GSE1: variants seen among roughly 807,000 people sequenced by gnomAD.
GSE1 encodes the protein Gse1 coiled-coil protein.
Under a neutral mutation model 112.6 loss-of-function variants are expected in GSE1, and 32 were observed. The observed-to-expected ratio is 0.28, with a 90% CI of 0.21 to 0.38. The LOEUF is 0.38. Among genes scored for constraint, GSE1 ranks in the 10% least tolerant of loss-of-function variants. GSE1 has a pLI of 1.00. For missense variants in GSE1, 2,348 were observed against 1,699.2 expected (o/e 1.38, Z -6.71); for synonymous variants, 1,115 against 735.6 (o/e 1.52, Z -8.35).
At chr16:85,216,190 C>T (rs1406650009) in intron 1 of GSE1, among the ~76,000 whole-genome samples, 5 of 152,320 alleles carry the variant, frequency 3.3e-5, no homozygotes, top group Middle Eastern at 6.8e-3. Flanking sequence ...AGGTAAAGTG[C>T]TCCAGGAGTT....
chr16:85,567,800 G>A (rs2151314882), intron 1 of GSE1, among the ~76,000 whole-genome samples: 1 of 152,312 alleles, frequency 6.6e-6, no homozygotes, highest in Middle Eastern at 3.4e-3. Context: ...TCAGCTCACT[G>A]CAGCCTCTAC....
intron 1 of GSE1, among the ~76,000 whole-genome samples, chr16:85,243,010 G>T (rs747602080): frequency 6.6e-6 from 1 of 152,010 alleles, no homozygotes; most frequent in Non-Finnish European, 1.5e-5. Context: ...ATGGGGTCTC[G>T]CTGTGTTGCC....
At position 85,661,422 on chromosome 16, in the gene GSE1, G is replaced by C; in HGVS notation, c.1917G>C (p.Arg639=). ...CGGAGAAAGCAGAGGAGGGGCCACG[G>C]AAGCGTGAGCCTGCCCCTCTGGACA... ...FCPEKAEEGP[R]KREPAPLDKY... Residue 639 remains arginine (R), a synonymous_variant, in exon 9 of 16, where the codon CGG becomes CGC. Transcript: ENST00000253458. The C allele has an allele frequency of 6.2e-7, 1 of 1,612,222 alleles. No homozygotes were observed. Among genetic ancestry groups the C allele is most frequent in the Non-Finnish European group, 8.5e-7 (1 of 1,179,678 alleles).
intron 1 of GSE1, among the ~76,000 whole-genome samples, chr16:85,318,237 C>T (rs938812290): frequency 3.3e-5 from 5 of 152,142 alleles, no homozygotes; most frequent in Non-Finnish European, 5.9e-5. Context: ...ATGAGTAACT[C>T]GGTCACTCTG....
chr16:85,618,800 G>C (rs1297187673), intron 1 of GSE1, among the ~76,000 whole-genome samples: 2 of 152,270 alleles, frequency 1.3e-5, no homozygotes, highest in Non-Finnish European at 2.9e-5. Context: ...TGGAACCACT[G>C]ATGCGTGCCG....
At chr16:85,600,560 AAAACACACACACACACACACACCCC>A (rs1433761159) in intron 1 of GSE1, among the ~76,000 whole-genome samples, 9 of 146,210 alleles carry the variant, frequency 6.2e-5, no homozygotes, top group African/African-American at 1.4e-4. Flanking sequence ...GCCTTGTTAA[AAAACACACACACACACACACACCCC>A]AAACACACAC....
At chr16:85,331,739 G>A (rs2046379431) in intron 1 of GSE1, among the ~76,000 whole-genome samples, 1 of 131,592 alleles carries the variant, frequency 7.6e-6, no homozygotes, top group South Asian at 2.3e-4. Context: ...GTTAAGATGG[G>A]GTTTCACCAC....
intron 1 of GSE1, among the ~76,000 whole-genome samples, chr16:85,628,430 C>T (rs767026332): frequency 3.7e-4 from 57 of 152,204 alleles, no homozygotes; most frequent in Non-Finnish European, 4.9e-4. Flanking sequence ...TGGGCTTTGT[C>T]AGAGGCCGGG....
At chr16:85,539,668 C>T (rs1352267573) in intron 2 of GSE1, among the ~76,000 whole-genome samples, 72 of 152,130 alleles carry the variant, frequency 4.7e-4, no homozygotes, top group Admixed American at 4.4e-3. Context: ...TTAGCGCCTG[C>T]GTTCACACAG....
chr16:85,525,762 A>G (rs2052346526), intron 2 of GSE1, among the ~76,000 whole-genome samples: 1 of 152,210 alleles, frequency 6.6e-6, no homozygotes, highest in Non-Finnish European at 1.5e-5. Context: ...GTGTGACCCC[A>G]GACAAGCTGT....
chr16:85,418,572 A>G (rs2048755911), intron 2 of GSE1, among the ~76,000 whole-genome samples: 1 of 152,164 alleles, frequency 6.6e-6, no homozygotes, highest in Non-Finnish European at 1.5e-5. Context: ...TGCCCCTCCC[A>G]GGAGCCAGAC....
intron 1 of GSE1, among the ~76,000 whole-genome samples, chr16:85,626,101 T>TG (rs1167009545): frequency 4.0e-5 from 6 of 151,830 alleles, no homozygotes; most frequent in Non-Finnish European, 8.8e-5. Context: ...AAGTCCAGTA[T>TG]GGGGACCCAG....
chr16:85,636,562 A>G (rs1351853158), intron 2 of GSE1, among the ~76,000 whole-genome samples: 1 of 152,152 alleles, frequency 6.6e-6, no homozygotes, highest in Non-Finnish European at 1.5e-5. Flanking sequence ...CGTCCATGGA[A>G]CTGGCCGGCA....
intron 2 of GSE1, among the ~76,000 whole-genome samples, chr16:85,647,851 C>T (rs1402547805): frequency 6.6e-6 from 1 of 152,172 alleles, no homozygotes; most frequent in Non-Finnish European, 1.5e-5. Context: ...TCCCAAAGTG[C>T]TGGGATTACA....
intron 1 of GSE1, among the ~76,000 whole-genome samples, chr16:85,304,690 C>T (rs980035936): frequency 6.6e-6 from 1 of 150,626 alleles, no homozygotes; most frequent in East Asian, 2.0e-4. Context: ...GGCAGCTGGG[C>T]CGTGATGTTC....
intron 10 of GSE1, 105 bp downstream of exon 10, chr16:85,663,198 G>C (rs1316013782): frequency 1.6e-6 from 2 of 1,267,094 alleles, no homozygotes; most frequent in Non-Finnish European, 2.3e-6. Context: ...CCGAAGTCCT[G>C]GCGGGTTCGC....
Position 85,175,744 on chromosome 16 carries a change from A to G in GSE1, c.2283+3937A>G, listed in dbSNP as rs1454041033. ...CGTGATAATGCGGGTGATAACCATT[A>G]TGGAGTGCTTCCCACCCTCCAGGAG... is the stretch of plus-strand genomic sequence containing the variant. On this transcript the variant is annotated intron_variant, in intron 1 of 2. Coordinates refer to the GSE1 transcript ENST00000637419. Among the ~76,000 whole-genome samples the G allele has an allele frequency of 3.3e-5, 5 of 152,322 alleles. 1 individual carries two copies. In the South Asian group the frequency reaches 6.2e-4, roughly 19 times the overall value.
intron 2 of GSE1, among the ~76,000 whole-genome samples, chr16:85,479,966 G>A (rs1196445814): frequency 6.6e-6 from 1 of 152,178 alleles, no homozygotes; most frequent in African/African-American, 2.4e-5. Flanking sequence ...AGGACCCAAA[G>A]CTCAGAAAGG....
chr16:85,578,115 C>T (rs988318544), intron 1 of GSE1, among the ~76,000 whole-genome samples: 2 of 152,234 alleles, frequency 1.3e-5, no homozygotes, highest in Non-Finnish European at 2.9e-5. Flanking sequence ...GCTCTCCACT[C>T]TGGCTGGCAC....
Sources: allele counts gnomAD v4.1 joint callset (sites outside exome capture counted in the v4.1 genomes callset), GRCh38; gene constraint gnomAD v4.1.1; transcripts MANE v1.5; gene names NCBI Gene and HGNC (gene_info 2026-07-23, HGNC 2026-07-21).